The following B9D2 variants were observed in gnomAD, a reference collection of about 807,000 sequenced individuals.
B9D2 encodes the protein B9 domain containing 2, also known as B9 domain-containing protein 2.
In B9D2, 21 loss-of-function variants were observed where a neutral mutation model predicts 19.2. The observed-to-expected ratio is 1.09, with a 90% CI of 0.78 to 1.58. B9D2 has a LOEUF of 1.58. Ranked by LOEUF, B9D2 falls within the 40% of genes most tolerant of loss-of-function variation. The probability of loss-of-function intolerance (pLI) is 0.00; values close to 1 mark genes in which losing one functional copy is unlikely to be tolerated. For synonymous variants in B9D2, 91 were observed against 100.6 expected (o/e 0.90, Z 0.57); for missense variants, 221 against 244.3 (o/e 0.90, Z 0.64).
chr19:41,357,951 T>A lies in B9D2; in HGVS notation c.160A>T (p.Met54Leu), dbSNP rs780023869. 1.2e-6 allele frequency: 2 copies of A among 1,613,970 alleles called. No individual in the cohort carries two copies. The highest frequency in any genetic ancestry group is 4.5e-5 in the East Asian group (2 of 44,880). ...TCGATGGGGTGGGACCAGTAAGCCA[T>A]GTCCCCTATCTGCGGGGTGTCCACT... ...TQVDTPQIGD[M>L]AYWSHPIDLH... The change falls in exon 3 of 4, where the codon ATG becomes TTG. Residue 54 changes from methionine (M) to leucine (L), a missense_variant. Physicochemically the swap from Met to Leu is conservative, Grantham distance 15 (BLOSUM62 2). Transcript: ENST00000243578.
rs2038446896 is a variant in B9D2, at chr19:41,363,442, G to A, written c.78C>T (p.Gly26=). 3.1e-6 allele frequency: 5 copies of A among 1,614,096 alleles called. No homozygotes were observed. The highest frequency in any genetic ancestry group is 4.2e-6 in the Non-Finnish European group (5 of 1,179,986). Residue 26 remains glycine, a synonymous_variant, in exon 2 of 4, where the codon GGC becomes GGT. Transcript: ENST00000243578. ...GGCTTGGGGGAATACCTGTGTGAAT[G>A]CCCCACTTGCAGAAGAGGCTACTTT... ...FSESSLFCKW[G]IHTGAAWKLL... is the part of the protein sequence containing the mutation.
Position 41,357,895 on chromosome 19 carries a change from A to C in B9D2, c.214+2T>G. ...GGACCCGGGTCCAGGTGTGATACCCACCTTGAAGACCTTTGGTGGCGAAGT... is the reference window on the plus strand; with the variant it reads ...GGACCCGGGTCCAGGTGTGATACCCCCCTTGAAGACCTTTGGTGGCGAAGT... On this transcript the variant is annotated splice_donor_variant, in intron 3 of 3. Coordinates refer to ENST00000243578, the MANE Select transcript of B9D2 (RefSeq NM_030578.4). LOFTEE classifies it high-confidence loss of function. 1 of 1,613,902 alleles carries C rather than the reference A, an allele frequency of 6.2e-7. No individual in the cohort carries two copies. The highest frequency in any genetic ancestry group is 8.5e-7 in the Non-Finnish European group (1 of 1,179,946).
intron 2 of B9D2, among the ~76,000 whole-genome samples, chr19:41,359,563 T>C (rs1332711150): frequency 6.6e-6 from 1 of 151,802 alleles, no homozygotes; most frequent in Non-Finnish European, 1.5e-5. Context: ...ATTAGCTGGG[T>C]GTGGTGGCGC....
chr19:41,358,072 G>T, intron 2 of B9D2, 50 bp from the exon 3 acceptor site: 1 of 1,612,192 alleles, frequency 6.2e-7, no homozygotes, highest in Non-Finnish European at 8.5e-7. Flanking sequence ...CATCGGGAAG[G>T]GGATGCCGCT....
intron 2 of B9D2, among the ~76,000 whole-genome samples, chr19:41,360,027 CTTTTG>C (rs927652090): frequency 1.3e-5 from 2 of 152,234 alleles, no homozygotes; most frequent in African/African-American, 4.8e-5. Context: ...CCATCCCTAG[CTTTTG>C]TTTTCATCCT....
chr19:41,357,850 T>G (rs745743114), intron 3 of B9D2, 47 bp downstream of exon 3: 4 of 1,611,568 alleles, frequency 2.5e-6, no homozygotes, highest in Non-Finnish European at 1.7e-6. Context: ...CAGAGGCTAC[T>G]GGCCCCCTCC....
At chr19:41,357,781 G>A in intron 3 of B9D2, 116 bp downstream of exon 3, 1 of 1,474,752 alleles carries the variant, frequency 6.8e-7, no homozygotes, top group Non-Finnish European at 9.4e-7. Context: ...GGCTGCAAAA[G>A]GGACCTACGT....
intron 2 of B9D2, among the ~76,000 whole-genome samples, chr19:41,361,973 G>A (rs1371152183): frequency 4.3e-5 from 3 of 69,950 alleles, no homozygotes; most frequent in African/African-American, 1.8e-4. Flanking sequence ...CCAGCCACTC[G>A]GGAGGCTGAC....
intron 2 of B9D2, among the ~76,000 whole-genome samples, chr19:41,362,176 G>GATC (rs1287128998): frequency 3.4e-5 from 5 of 148,512 alleles, no homozygotes; most frequent in Non-Finnish European, 5.9e-5. Context: ...AAGGTCAGGA[G>GATC]ATCGAGACCA....
Position 41,363,947 on chromosome 19 carries a change from G to A in B9D2, c.-5+11C>T. 1 of 337,294 alleles carries A rather than the reference G, an allele frequency of 3.0e-6. No homozygotes were observed. The highest frequency in any genetic ancestry group is 5.6e-6 in the Non-Finnish European group (1 of 177,882). 20.9% of individuals were successfully genotyped at this position (337,294 alleles called of 1,614,324 possible). ...CCCCGCCTCTAAGCGCAGCGCATGC[G>A]TCATTCCTACCTTAGCGCACTTAAC... is the stretch of plus-strand genomic sequence containing the variant. On this transcript the variant is annotated intron_variant, in intron 1 of 3. Coordinates refer to ENST00000243578, the MANE Select transcript of B9D2 (RefSeq NM_030578.4).
At chr19:41,363,167 GC>G in intron 2 of B9D2, 1 of 495,842 alleles carries the variant, frequency 2.0e-6, no homozygotes, top group Non-Finnish European at 3.7e-6. Flanking sequence ...GATCACTAGA[GC>G]CCGAGAGTTC....
intron 2 of B9D2, 88 bp downstream of exon 2, chr19:41,363,344 A>C (rs1308067091): frequency 7.6e-7 from 1 of 1,317,428 alleles, no homozygotes; most frequent in African/African-American, 1.5e-5. Context: ...AATGAGGTTA[A>C]GAGTCTGCGT....
Position 41,354,476 on chromosome 19 carries a change from A to G in B9D2, c.*224T>C. 1.6e-6 allele frequency: 1 copy of G among 637,416 alleles called. No individual in the cohort carries two copies. Among genetic ancestry groups the G allele is most frequent in the Admixed American group, 2.5e-5 (1 of 39,402 alleles). 39.5% of individuals were successfully genotyped at this position (637,416 alleles called of 1,614,324 possible). A position where few individuals can be genotyped will look rare whatever the true frequency, so the allele number is the denominator to read the frequency against. ...CCATGTGGCTAAGCAGCCTCCTGTC[A>G]CTCAACACCCTGCGACCCCATACAT... On this transcript the variant is annotated 3_prime_UTR_variant, in exon 4 of 4. Transcript: ENST00000243578.
At chr19:41,359,647 G>A (rs2038372404) in intron 2 of B9D2, among the ~76,000 whole-genome samples, 1 of 151,822 alleles carries the variant, frequency 6.6e-6, no homozygotes, top group Admixed American at 6.6e-5. Flanking sequence ...AGGTTGCAGT[G>A]AGCCAAGATG....
chr19:41,358,170 G>A lies in B9D2; in HGVS notation c.89-148C>T, dbSNP rs2038347147. ...AACCAAGTATCTGGGTTCAAATCCT[G>A]GCACTACCTCTTCCTGCCTCTGCAA... On this transcript the variant is annotated intron_variant, in intron 2 of 3. Coordinates refer to ENST00000243578, the MANE Select transcript of B9D2 (RefSeq NM_030578.4). 86 of 1,255,228 alleles carry A rather than the reference G, an allele frequency of 6.9e-5. No homozygotes were observed. The South Asian group carries it at 1.1e-3, about 16-fold the overall frequency. 77.8% of individuals were successfully genotyped at this position (1,255,228 alleles called of 1,614,324 possible).
At chr19:41,358,423 C>A (rs953682285) in intron 2 of B9D2, among the ~76,000 whole-genome samples, 3 of 151,994 alleles carry the variant, frequency 2.0e-5, no homozygotes, top group Non-Finnish European at 4.4e-5. Context: ...TTCAGAGAGT[C>A]CCAAGGCTAG....
intron 3 of B9D2, 34 bp from the exon 4 acceptor site, chr19:41,355,047 T>G: frequency 3.3e-6 from 5 of 1,510,286 alleles, no homozygotes; most frequent in Non-Finnish European, 4.5e-6. Flanking sequence ...AAAGGAGGGA[T>G]GGGTGGGGAC....
chr19:41,357,496 C>T lies in B9D2; in HGVS notation c.214+401G>A, dbSNP rs74474357. ...TTCTGATGCCGCTCCTCCCCCAGTA[C>T]TGATTTCCCCTTTGAGCAGCAGCTC... is the stretch of plus-strand genomic sequence containing the variant. On this transcript the variant is annotated intron_variant, in intron 3 of 3. Coordinates refer to ENST00000243578, the MANE Select transcript of B9D2 (RefSeq NM_030578.4). 6.7e-3 allele frequency among the ~76,000 whole-genome samples: 1,017 copies of T among 152,290 alleles called. 7 individuals carry two copies. Among genetic ancestry groups the T allele is most frequent in the African/African-American group, 0.021 (886 of 41,568 alleles).
intron 3 of B9D2, among the ~76,000 whole-genome samples, chr19:41,355,827 C>A (rs1310260927): frequency 6.6e-6 from 1 of 152,150 alleles, no homozygotes; most frequent in Non-Finnish European, 1.5e-5. Flanking sequence ...GGTGGGGATA[C>A]CGCTTTAGCA....
Sources: allele counts gnomAD v4.1 joint callset (sites outside exome capture counted in the v4.1 genomes callset), GRCh38; gene constraint gnomAD v4.1.1; transcripts MANE v1.5; gene names NCBI Gene and HGNC (gene_info 2026-07-23, HGNC 2026-07-21).